The following CA12 variants were observed in gnomAD, a reference collection of about 807,000 sequenced individuals.
The protein encoded by CA12 is carbonic anhydrase 12, also known as carbonate dehydratase XII.
In CA12, 36 loss-of-function variants were observed where a neutral mutation model predicts 46.8. The ratio of observed to expected loss-of-function variants is 0.77; its 90% confidence interval spans 0.59 to 1.02. CA12 has a LOEUF of 1.02. CA12 is among the 50% of genes least tolerant of loss of function. CA12 has a pLI of 0.00. For missense variants in CA12, 436 were observed against 451.4 expected (o/e 0.97, Z 0.31); for synonymous variants, 202 against 187.0 (o/e 1.08, Z -0.65).
intron 10 of CA12, among the ~76,000 whole-genome samples, chr15:63,326,855 C>T (rs561483210): frequency 1.4e-4 from 21 of 152,346 alleles, no homozygotes; most frequent in African/African-American, 4.8e-4. Context: ...TGCTTAACTT[C>T]AGGCACAAGC....
intron 2 of CA12, among the ~76,000 whole-genome samples, chr15:63,367,168 G>A (rs2039446783): frequency 2.0e-5 from 3 of 152,094 alleles, no homozygotes; most frequent in Non-Finnish European, 1.5e-5. Flanking sequence ...TGATCCACCC[G>A]CCTCGGCCTC....
Position 63,333,916 on chromosome 15 carries a change from GC to G in CA12, c.874+4902del, listed in dbSNP as rs1472849672. On this transcript the variant is annotated intron_variant, in intron 8 of 10. Transcript: ENST00000178638. The stretch of plus-strand genomic sequence containing the variant: ...TCCTTTTGTCCCTCAAGTTTCCATG[GC>G]CCTGACATGTTGAGCACAGGGCTAG... Among the ~76,000 whole-genome samples the G allele has an allele frequency of 3.9e-5, 6 of 152,270 alleles. 1 individual carries two copies. The highest frequency in any genetic ancestry group is 1.4e-4 in the African/African-American group (6 of 41,546).
At chr15:63,381,515 T>G in intron 1 of CA12, 121 bp downstream of exon 1, 2 of 826,078 alleles carry the variant, frequency 2.4e-6, no homozygotes, top group Non-Finnish European at 4.0e-6. Flanking sequence ...GAATCTACTA[T>G]TTGGTACTAC....
chr15:63,337,169 G>A (rs967037700), intron 8 of CA12, among the ~76,000 whole-genome samples: 2 of 152,224 alleles, frequency 1.3e-5, no homozygotes, highest in African/African-American at 4.8e-5. Flanking sequence ...TGAGGAAAGA[G>A]GGAAATGATC....
In CA12 at chr15:63,345,336, T is replaced by A. The variant is rs1287739537; in HGVS notation, c.429+141A>T. The A allele has an allele frequency of 9.6e-7, 1 of 1,044,886 alleles. No homozygotes were observed. The highest frequency in any genetic ancestry group is 1.6e-5 in the African/African-American group (1 of 63,960). The allele number at this position is 1,044,886 out of a possible 1,614,324, so 64.7% of individuals were successfully genotyped here. On this transcript the variant is annotated intron_variant, in intron 4 of 10. Transcript: ENST00000178638. This position sits in a 1 kb window ranked among gnomAD's most constrained non-coding sequence, Gnocchi z 4.3. ...AGGCTAGTGGAGTGGCTGCGCCCCT[T>A]GTGCCAGGGCCAGAGGTGGGGCAGA...
At position 63,323,064 on chromosome 15, in the gene CA12, AT is replaced by A. The variant is rs1413612355; in HGVS notation, c.*3220del. 6.6e-6 allele frequency: 1 copy of A among 152,224 alleles called. No homozygotes were observed. Among genetic ancestry groups the A allele is most frequent in the African/African-American group, 2.4e-5 (1 of 41,452 alleles). The allele number at this position is 152,224 out of a possible 1,614,324, so 9.4% of individuals were successfully genotyped here. A position where few individuals can be genotyped will look rare whatever the true frequency, so the allele number is the denominator to read the frequency against. On this transcript the variant is annotated 3_prime_UTR_variant, in exon 11 of 11. Coordinates refer to ENST00000178638, the MANE Select transcript of CA12 (RefSeq NM_001218.5). This position sits in a 1 kb window ranked among gnomAD's most constrained non-coding sequence, Gnocchi z 5.1. ...AAAGATTATTTGGACGGGTGATAGT[AT>A]GTTTTGCAAAAAGAATTCAAAATAA...
rs982359850 is a variant in CA12, at chr15:63,348,200, C to A, written c.107-1491G>T. ...CATTTTCAGAAATGTTACAGCATGA[C>A]GGAATTGCAGAATCTCCAGTCCAAC... On this transcript the variant is annotated intron_variant, in intron 2 of 10. Transcript: ENST00000178638. This position sits in a 1 kb window ranked among gnomAD's most constrained non-coding sequence, Gnocchi z 4.6. Among the ~76,000 whole-genome samples, 1 of 152,158 alleles carries A rather than the reference C, an allele frequency of 6.6e-6. No individual in the cohort carries two copies. Among genetic ancestry groups the A allele is most frequent in the South Asian group, 2.1e-4 (1 of 4,826 alleles).
At chr15:63,360,959 G>A (rs74022916) in intron 2 of CA12, among the ~76,000 whole-genome samples, 3,780 of 152,308 alleles carry the variant, frequency 0.025, 144 homozygotes, top group African/African-American at 0.086. Flanking sequence ...GAGAATAAGC[G>A]AATCGGTGAA....
chr15:63,351,649 C>G (rs571821437), intron 2 of CA12, among the ~76,000 whole-genome samples: 1 of 152,348 alleles, frequency 6.6e-6, no homozygotes, highest in East Asian at 1.9e-4. Flanking sequence ...ATGCCCTCTT[C>G]TTTCCTCTGC....
chr15:63,361,027 A>G (rs1003953575), intron 2 of CA12, among the ~76,000 whole-genome samples: 4 of 152,154 alleles, frequency 2.6e-5, no homozygotes, highest in African/African-American at 9.7e-5. Context: ...GTGGCATCGG[A>G]TGTAAATACA....
chr15:63,337,480 G>T (rs993373713), intron 8 of CA12, among the ~76,000 whole-genome samples: 10 of 151,916 alleles, frequency 6.6e-5, no homozygotes, highest in African/African-American at 2.4e-4. Flanking sequence ...TTTTTGAGAC[G>T]GAGTCTCGCC....
chr15:63,374,810 C>A lies in CA12; in HGVS notation c.106+848G>T, dbSNP rs2039551353. On this transcript the variant is annotated intron_variant, in intron 2 of 10. Transcript: ENST00000178638. The surrounding 1 kb of genome is among the most constrained non-coding windows in gnomAD (Gnocchi z 4.4). ...CTGTGGCTTTAACTTTGGCCACAAC[C>A]CTGCTTGCTTAAAATGCCTCCTGTG... Among the ~76,000 whole-genome samples, 3 of 152,228 alleles carry A rather than the reference C, an allele frequency of 2.0e-5. No homozygotes were observed.
intron 1 of CA12, among the ~76,000 whole-genome samples, chr15:63,377,131 G>C (rs1370939116): frequency 6.6e-6 from 1 of 152,182 alleles, no homozygotes; most frequent in African/African-American, 2.4e-5. Context: ...CAAGTGCAGA[G>C]CTGTGCTCTT....
Position 63,330,246 on chromosome 15 carries a change from A to G in CA12, c.875-2116T>C, listed in dbSNP as rs1055596746. 1.3e-5 allele frequency among the ~76,000 whole-genome samples: 2 copies of G among 152,210 alleles called. No individual in the cohort carries two copies. The highest frequency in any genetic ancestry group is 2.9e-5 in the Non-Finnish European group (2 of 68,032). On this transcript the variant is annotated intron_variant, in intron 8 of 10. Coordinates refer to ENST00000178638, the MANE Select transcript of CA12 (RefSeq NM_001218.5). The surrounding 1 kb of genome is among the most constrained non-coding windows in gnomAD (Gnocchi z 4.0). ...GGAGCTTCCAGTGTTTGTACAGCAC[A>G]AGCTCTGTTTCCTGCAGGGCCTGTG...
chr15:63,349,286 A>T (rs1050740438), intron 2 of CA12, among the ~76,000 whole-genome samples: 1 of 152,160 alleles, frequency 6.6e-6, no homozygotes, highest in Non-Finnish European at 1.5e-5. Flanking sequence ...GGCAAATTTG[A>T]ATGAGTCAGA....
intron 10 of CA12, among the ~76,000 whole-genome samples, 163 bp downstream of exon 10, chr15:63,326,986 T>C (rs758998644): frequency 2.0e-5 from 3 of 152,198 alleles, no homozygotes; most frequent in Non-Finnish European, 2.9e-5. Flanking sequence ...GTGCGTCTCA[T>C]GCAAAGGAGG....
chr15:63,375,701 A>C, intron 1 of CA12, 23 bp from the exon 2 acceptor site: 1 of 1,571,124 alleles, frequency 6.4e-7, no homozygotes, highest in Non-Finnish European at 8.7e-7. Flanking sequence ...AAACACAGTA[A>C]GTAAGTACAA....
At chr15:63,358,991 G>T (rs2055336) in intron 2 of CA12, among the ~76,000 whole-genome samples, 3 of 151,790 alleles carry the variant, frequency 2.0e-5, no homozygotes, top group Non-Finnish European at 4.4e-5. Flanking sequence ...TTGTCCTCCC[G>T]TTTCCCTGCC....
rs139521538 is a variant in CA12, at chr15:63,378,545, G to A, written c.86-2867C>T. Among the ~76,000 whole-genome samples the A allele has an allele frequency of 6.4e-3, 975 of 152,184 alleles. 10 individuals carry two copies. The highest frequency in any genetic ancestry group is 0.048 in the Middle Eastern group (14 of 292). ...TTAGTAATTAGACATTCAGAACCAC[G>A]GGGAAACCAAACTTGTATGTGACCC... On this transcript the variant is annotated intron_variant, in intron 1 of 10. Coordinates refer to ENST00000178638, the MANE Select transcript of CA12 (RefSeq NM_001218.5). The surrounding 1 kb of genome is among the most constrained non-coding windows in gnomAD (Gnocchi z 4.8).
Sources: gnomAD v4.1 joint callset for allele counts (sites outside exome capture counted in the v4.1 genomes callset) on GRCh38, gnomAD v4.1.1 for gene constraint, Gnocchi (gnomAD v3.1) non-coding constraint, MANE v1.5 for transcripts, NCBI Gene and HGNC (gene_info 2026-07-23, HGNC 2026-07-21) for gene names.